Variants in TTLL10 observed in about 807,000 individuals in gnomAD.
The protein encoded by TTLL10 is inactive polyglycylase TTLL10.
Under a neutral mutation model 69.0 loss-of-function variants are expected in TTLL10, and 61 were observed. The ratio of observed to expected loss-of-function variants is 0.88; its 90% CI spans 0.72 to 1.09. TTLL10 has a LOEUF of 1.09. TTLL10 is among the 50% of genes least tolerant of loss of function. The pLI is 0.00. For missense variants in TTLL10, 962 were observed against 945.9 expected, an observed-to-expected ratio of 1.02 and a Z score of -0.22; for synonymous variants, 408 against 393.3, an observed-to-expected ratio of 1.04 and a Z score of -0.44.
rs570810050 is a variant in TTLL10 at position 1,193,610 on chromosome 1, C to T, written c.1402-2990C>T. ...TCCCTAGTAGCTGGGATTACAGGCG[C>T]ATGCCACCACACCCGGCTAATTTTT... On this transcript the variant is annotated intron_variant, in intron 13 of 15. Coordinates refer to ENST00000379289, the MANE Select transcript of TTLL10 (RefSeq NM_001130045.2). Among the ~76,000 whole-genome samples the T allele has an allele frequency of 1.3e-4, 19 of 151,724 alleles. No homozygotes were observed. The South Asian group carries it at 3.8e-3, about 30-fold the overall frequency.
intron 11 of TTLL10, 79 bp downstream of exon 11, chr1:1,183,126 C>G: frequency 6.8e-7 from 1 of 1,470,046 alleles, no homozygotes; most frequent in South Asian, 1.3e-5. Context: ...GCAGGGCCGC[C>G]GAGGAGCCCT....
At chr1:1,180,457 G>GGGCCCCCCCCC in intron 6 of TTLL10, 26 bp from the exon 7 acceptor site, 2 of 1,520,754 alleles carry the variant, frequency 1.3e-6, no homozygotes, top group South Asian at 1.2e-5. Context: ...CGGCCCCCAG[G>GGGCCCCCCCCC]TCACCCCCGC....
In TTLL10 at chr1:1,183,153, C is replaced by T. The variant is rs1647132620; in HGVS notation, c.1088+106C>T. On this transcript the variant is annotated intron_variant, in intron 11 of 15. Coordinates refer to ENST00000379289, the MANE Select transcript of TTLL10 (RefSeq NM_001130045.2). ...AGGAGCCCTTGGTCGTGGAAAGCAG[C>T]CGCACCACCAGCCCCTGTGCAGACC... The T allele has an allele frequency of 8.1e-6, 11 of 1,358,626 alleles. No individual in the cohort carries two copies. In the South Asian group the frequency reaches 1.6e-4, roughly 20 times the overall value. The allele number at this position is 1,358,626 out of a possible 1,614,324, so 84.2% of individuals were successfully genotyped here.
chr1:1,175,668 G>T, intron 3 of TTLL10: 1 of 453,414 alleles, frequency 2.2e-6, no homozygotes, highest in Non-Finnish European at 4.5e-6. Context: ...TGTGGCGGGT[G>T]CTGTCCTGAC....
At chr1:1,190,810 A>T (rs1276806100) in intron 13 of TTLL10, among the ~76,000 whole-genome samples, 1 of 152,002 alleles carries the variant, frequency 6.6e-6, no homozygotes, top group Non-Finnish European at 1.5e-5. Flanking sequence ...CATTTGTCTC[A>T]AAGTATTTTT....
intron 12 of TTLL10, 121 bp downstream of exon 12, chr1:1,184,212 G>A (rs1647178345): frequency 7.1e-6 from 10 of 1,409,022 alleles, no homozygotes; most frequent in South Asian, 1.3e-5. Context: ...AGGCCGGGAG[G>A]TGTCTCAGGC....
chr1:1,182,808 G>A lies in TTLL10; in HGVS notation c.917-68G>A, dbSNP rs1449270312. On this transcript the variant is annotated intron_variant, in intron 10 of 15. Transcript: ENST00000379289. ...TCGCAGCCTGGAGGGGAGGGTCCTG[G>A]TCGGGCCCTAGGAGGGGCGTGGCTG... is the stretch of plus-strand genomic sequence containing the variant. 2.7e-6 allele frequency: 4 copies of A among 1,489,072 alleles called. No individual in the cohort carries two copies. In the African/African-American group the frequency reaches 4.2e-5, roughly 16 times the overall value. The allele number at this position is 1,489,072 out of a possible 1,614,324, so 92.2% of individuals were successfully genotyped here.
rs756900652 is a variant in TTLL10, at chr1:1,196,730, C to T, written c.1518+14C>T. 21 of 1,514,102 alleles carry T rather than the reference C, an allele frequency of 1.4e-5. No homozygotes were observed. The highest frequency in any genetic ancestry group is 4.8e-5 in the South Asian group (4 of 83,244). 93.8% of individuals were successfully genotyped at this position (1,514,102 alleles called of 1,614,324 possible). A position where few individuals can be genotyped will look rare whatever the true frequency, so the allele number is the denominator to read the frequency against. On this transcript the variant is annotated intron_variant, in intron 14 of 15. Coordinates refer to ENST00000379289, the MANE Select transcript of TTLL10 (RefSeq NM_001130045.2). ...GACAACTTCAAGGTGCTGTCCTGGG[C>T]GGCGGGGGGCACAGTAGACAGATGC...
chr1:1,194,692 G>T (rs1291791598), intron 13 of TTLL10, among the ~76,000 whole-genome samples: 1 of 152,162 alleles, frequency 6.6e-6, no homozygotes, highest in Non-Finnish European at 1.5e-5. Flanking sequence ...ATCTTTCTGT[G>T]GATGCCTCAT....
At chr1:1,186,765 T>C (rs1016214165) in intron 13 of TTLL10, among the ~76,000 whole-genome samples, 7 of 152,190 alleles carry the variant, frequency 4.6e-5, no homozygotes, top group South Asian at 2.1e-4. Flanking sequence ...TGGCCAGCTA[T>C]GTATATTCTT....
rs1325609945 is a variant in TTLL10 at position 1,181,179 on chromosome 1, G to A, written c.755+319G>A. Among the ~76,000 whole-genome samples the A allele has an allele frequency of 2.0e-5, 3 of 150,988 alleles. No individual in the cohort carries two copies. Among genetic ancestry groups the A allele is most frequent in the South Asian group, 2.1e-4 (1 of 4,738 alleles). On this transcript the variant is annotated intron_variant, in intron 8 of 15. Transcript: ENST00000379289. This position sits in a 1 kb window ranked among gnomAD's most constrained non-coding sequence, Gnocchi z 4.6. ...TGGCTGAACGGGGAAGATCCCACAC[G>A]TCCCCAACCCACTGGGCCTGACACC... is the stretch of plus-strand genomic sequence containing the variant.
At chr1:1,177,505 G>T (rs907768371) in intron 3 of TTLL10, among the ~76,000 whole-genome samples, 2 of 152,168 alleles carry the variant, frequency 1.3e-5, no homozygotes, top group Non-Finnish European at 2.9e-5. Flanking sequence ...TAGAGACAAG[G>T]TTTCATCATA....
In TTLL10 at chr1:1,179,329, C is replaced by A; in HGVS notation, c.114C>A (p.Val38=). 1.3e-6 allele frequency: 2 copies of A among 1,551,210 alleles called. No individual in the cohort carries two copies. The highest frequency in any genetic ancestry group is 1.7e-6 in the Non-Finnish European group (2 of 1,146,794). The change falls in exon 4 of 16, where the codon GTC becomes GTA. Residue 38 remains valine (V), a synonymous_variant. Coordinates refer to ENST00000379289, the MANE Select transcript of TTLL10 (RefSeq NM_001130045.2). Reference sequence around the variant, plus strand: ...TCCAGCAGAGGCCTCGGGCTCGAGTCTCAGGTGAATAGAGCAGCCCTGGGT... The same window carrying A: ...TCCAGCAGAGGCCTCGGGCTCGAGTATCAGGTGAATAGAGCAGCCCTGGGT... The part of the protein sequence containing the change: ...PRIQQRPRAR[V]SGTIPASRLH...
At chr1:1,196,780 C>A in intron 14 of TTLL10, 64 bp downstream of exon 14, 1 of 1,175,992 alleles carries the variant, frequency 8.5e-7, no homozygotes, top group Non-Finnish European at 1.2e-6. Flanking sequence ...CATCTGTACA[C>A]CCTGACCACA....
chr1:1,179,148 G>A lies in TTLL10; in HGVS notation c.-27-41G>A, dbSNP rs77946374. 325 of 1,345,918 alleles carry A rather than the reference G, an allele frequency of 2.4e-4. No individual in the cohort carries two copies. In the African/African-American group the frequency reaches 3.4e-3, roughly 14 times the overall value. 83.4% of individuals were successfully genotyped at this position (1,345,918 alleles called of 1,614,324 possible). A position where few individuals can be genotyped will look rare whatever the true frequency, so the allele number is the denominator to read the frequency against. On this transcript the variant is annotated intron_variant, in intron 3 of 15. Coordinates refer to ENST00000379289, the MANE Select transcript of TTLL10 (RefSeq NM_001130045.2). The stretch of plus-strand genomic sequence containing the variant: ...CAAGCACTGGGGCCTCGGGCCGCGC[G>A]GAGGTCCCACAGGAGGGTCAGAGCG...
Position 1,184,155 on chromosome 1 carries a change from A to G in TTLL10, c.1260+64A>G. 6.9e-6 allele frequency: 11 copies of G among 1,600,872 alleles called. No individual in the cohort carries two copies. The African/African-American group carries it at 8.0e-5, about 12-fold the overall frequency. ...GGGATGAGATTAGAAGGAGGTTCTC[A>G]CTGCTAGGGGGTGCAGAGGGGGTGC... On this transcript the variant is annotated intron_variant, in intron 12 of 15. Transcript: ENST00000379289.
intron 10 of TTLL10, 58 bp downstream of exon 10, chr1:1,182,504 A>G: frequency 6.4e-7 from 1 of 1,567,104 alleles, no homozygotes; most frequent in Non-Finnish European, 8.8e-7. Context: ...TGAGGGCTGG[A>G]CCAAGGCGGG....
rs368616691 is a variant in TTLL10, at chr1:1,182,906, C to T, written c.947C>T (p.Ala316Val). 7 of 1,593,638 alleles carry T rather than the reference C, an allele frequency of 4.4e-6. No individual in the cohort carries two copies. In the African/African-American group the frequency reaches 9.4e-5, roughly 21 times the overall value. ...CAGATATGGATCTGCAAGCCCACAGCCTCCAACCAGGGCAAAGGCATCTTC... is the reference window on the plus strand; with the variant it reads ...CAGATATGGATCTGCAAGCCCACAGTCTCCAACCAGGGCAAAGGCATCTTC... Reference protein sequence around the residue: ...ETQIWICKPTASNQGKGIFLL... With the variant: ...ETQIWICKPTVSNQGKGIFLL... Residue 316 changes from alanine to valine, a missense_variant, in exon 11 of 16, where the codon GCC becomes GTC. By Grantham distance (64) the Ala-to-Val change is moderately conservative. Coordinates refer to ENST00000379289, the MANE Select transcript of TTLL10 (RefSeq NM_001130045.2).
Position 1,197,677 on chromosome 1 carries a change from G to A in TTLL10, c.1852G>A (p.Val618Met). The change falls in exon 16 of 16, where the codon GTG becomes ATG. Residue 618 changes from valine (V) to methionine (M), a missense_variant. Val to Met is a conservative substitution (Grantham distance 21, BLOSUM62 1). Coordinates refer to ENST00000379289, the MANE Select transcript of TTLL10 (RefSeq NM_001130045.2). ...CCGCAGGCCTGCGCCACCTCCCTTG[G>A]TGCCGCAGCGTCCCCGGCCACCCGG... is the stretch of plus-strand genomic sequence containing the variant. ...GARRPAPPPL[V>M]PQRPRPPGPD... The A allele has an allele frequency of 6.6e-7, 1 of 1,505,748 alleles. No individual in the cohort carries two copies. Among genetic ancestry groups the A allele is most frequent in the African/African-American group, 1.5e-5 (1 of 68,714 alleles). 93.3% of individuals were successfully genotyped at this position (1,505,748 alleles called of 1,614,324 possible). A position where few individuals can be genotyped will look rare whatever the true frequency, so the allele number is the denominator to read the frequency against.
Sources: allele counts gnomAD v4.1 joint callset (sites outside exome capture counted in the v4.1 genomes callset), GRCh38; gene constraint gnomAD v4.1.1; non-coding constraint Gnocchi (gnomAD v3.1); transcripts MANE v1.5; gene names NCBI Gene and HGNC (gene_info 2026-07-23, HGNC 2026-07-21).